Variants in CNTN5 observed in about 807,000 individuals in gnomAD.
CNTN5 encodes contactin 5.
CNTN5 carries 77 observed loss-of-function variants against 129.1 expected under a neutral mutation model. The ratio of observed to expected loss-of-function variants is 0.60; its 90% CI spans 0.50 to 0.72. The LOEUF (loss-of-function observed/expected upper bound fraction) is 0.72. Among genes scored for constraint, CNTN5 ranks in the 30% least tolerant of loss-of-function variants. The pLI, the probability that CNTN5 is intolerant of heterozygous loss-of-function variation, is 0.00. For missense variants in CNTN5, 1,478 were observed against 1,328.8 expected (o/e 1.11, Z -1.75); for synonymous variants, 509 against 465.6 (o/e 1.09, Z -1.20).
intron 6 of CNTN5, among the ~76,000 whole-genome samples, chr11:99,890,277 CAAAAG>C (rs1234366100): frequency 1.3e-5 from 2 of 151,850 alleles, no homozygotes; most frequent in African/African-American, 4.8e-5. Flanking sequence ...CAATGAGAAA[CAAAAG>C]AAAGTAATAT....
At chr11:99,868,656 C>T (rs754417484) in intron 6 of CNTN5, among the ~76,000 whole-genome samples, 13 of 151,932 alleles carry the variant, frequency 8.6e-5, no homozygotes, top group African/African-American at 1.2e-4. Context: ...CTGAAAGAGG[C>T]GAAAAGGGAG....
intron 9 of CNTN5, among the ~76,000 whole-genome samples, chr11:100,059,222 C>A (rs1943362159): frequency 6.6e-6 from 1 of 152,074 alleles, no homozygotes; most frequent in Non-Finnish European, 1.5e-5. Flanking sequence ...TATGTCACAT[C>A]AATAAACAAA....
intron 3 of CNTN5, among the ~76,000 whole-genome samples, chr11:99,628,008 T>G (rs1008252161): frequency 5.3e-5 from 8 of 151,014 alleles, no homozygotes; most frequent in African/African-American, 2.0e-4. Context: ...TTACTTTGAC[T>G]TAAACTGAAC....
chr11:100,020,729 C>T (rs559409793), intron 9 of CNTN5, among the ~76,000 whole-genome samples: 1 of 151,942 alleles, frequency 6.6e-6, no homozygotes, highest in Non-Finnish European at 1.5e-5. Context: ...TTCAGTAAAT[C>T]GCAGAATACA....
chr11:99,749,445 A>G (rs1944161644), intron 3 of CNTN5, among the ~76,000 whole-genome samples: 2 of 152,254 alleles, frequency 1.3e-5, no homozygotes, highest in African/African-American at 2.4e-5. Flanking sequence ...TGCTTGGCAC[A>G]TTATATAGTC....
chr11:99,269,437 T>C (rs755969856), intron 1 of CNTN5, among the ~76,000 whole-genome samples: 3 of 151,810 alleles, frequency 2.0e-5, no homozygotes, highest in Non-Finnish European at 4.4e-5. Context: ...GCTGACCTGT[T>C]TGTTTGTTGC....
chr11:99,702,253 C>T (rs1032995798), intron 3 of CNTN5, among the ~76,000 whole-genome samples: 3 of 150,704 alleles, frequency 2.0e-5, no homozygotes, highest in African/African-American at 7.3e-5. Context: ...TTTTAAGGTA[C>T]ATATTTCATA....
In CNTN5 at chr11:99,244,231, T is replaced by A. The variant is rs368778466; in HGVS notation, c.-209-81115T>A. The stretch of plus-strand genomic sequence containing the variant: ...TTCTTGTGGCTATTGTAAATTGGAT[T>A]GCTTTCTCAATTTGCCTCTAAGCTT... On this transcript the variant is annotated intron_variant, in intron 1 of 24. Transcript: ENST00000524871. 7.0e-4 allele frequency among the ~76,000 whole-genome samples: 107 copies of A among 152,310 alleles called. No individual in the cohort carries two copies. The South Asian group carries it at 0.021, about 30-fold the overall frequency.
chr11:99,428,425 G>A (rs1050707206), intron 2 of CNTN5, among the ~76,000 whole-genome samples: 8 of 151,666 alleles, frequency 5.3e-5, no homozygotes, highest in Admixed American at 1.3e-4. Flanking sequence ...GCTGGGCTTC[G>A]TGGCATGTCC....
intron 8 of CNTN5, among the ~76,000 whole-genome samples, chr11:99,974,096 A>T (rs1937766707): frequency 6.6e-6 from 1 of 152,264 alleles, no homozygotes; most frequent in African/African-American, 2.4e-5. Flanking sequence ...GGAAGGCTTG[A>T]TAATGATTAA....
chr11:99,103,599 G>T (rs1291502172), intron 1 of CNTN5, among the ~76,000 whole-genome samples: 1 of 152,132 alleles, frequency 6.6e-6, no homozygotes, highest in Non-Finnish European at 1.5e-5. Flanking sequence ...GTAGTGAGTT[G>T]AATTGTGCCC....
chr11:99,391,468 T>G (rs1565543963), intron 2 of CNTN5, among the ~76,000 whole-genome samples: 2 of 152,148 alleles, frequency 1.3e-5, no homozygotes, highest in Non-Finnish European at 2.9e-5. Flanking sequence ...GCTGCTGTCA[T>G]ATAGTAGCTA....
chr11:100,245,173 C>G (rs2138693036), intron 16 of CNTN5, among the ~76,000 whole-genome samples: 1 of 152,110 alleles, frequency 6.6e-6, no homozygotes, highest in Non-Finnish European at 1.5e-5. Context: ...TTTTGTCTCT[C>G]CACTCCATCA....
Position 100,178,337 on chromosome 11 carries a change from T to C in CNTN5, c.1581-12789T>C, listed in dbSNP as rs142728008. Among the ~76,000 whole-genome samples the C allele has an allele frequency of 2.5e-3, 384 of 152,280 alleles. 2 individuals are homozygous for C. Among genetic ancestry groups the C allele is most frequent in the African/African-American group, 8.9e-3 (372 of 41,574 alleles). ...CCTCCTTTGCTCATTTGTTCCCTTT[T>C]TTCTTAAAATCTTCGTCTACTTCCT... is the stretch of plus-strand genomic sequence containing the variant. On this transcript the variant is annotated intron_variant, in intron 13 of 24. Transcript: ENST00000524871.
At chr11:100,026,059 A>G (rs560366768) in intron 9 of CNTN5, among the ~76,000 whole-genome samples, 5 of 152,092 alleles carry the variant, frequency 3.3e-5, no homozygotes, top group Non-Finnish European at 5.9e-5. Context: ...TTGTGTCCCC[A>G]CCCAAATCTC....
intron 3 of CNTN5, among the ~76,000 whole-genome samples, chr11:99,680,074 T>C (rs1565419960): frequency 6.6e-6 from 1 of 152,270 alleles, no homozygotes; most frequent in East Asian, 1.9e-4. Context: ...AAAAGTTGAT[T>C]CATAAGGTTT....
At chr11:99,025,697 C>G (rs961271284) in intron 1 of CNTN5, among the ~76,000 whole-genome samples, 1 of 151,448 alleles carries the variant, frequency 6.6e-6, no homozygotes, top group Non-Finnish European at 1.5e-5. Flanking sequence ...GAGCTGCAAC[C>G]AGGTCTATTA....
At chr11:99,399,292 A>T (rs1189391190) in intron 2 of CNTN5, among the ~76,000 whole-genome samples, 1 of 151,866 alleles carries the variant, frequency 6.6e-6, no homozygotes, top group Non-Finnish European at 1.5e-5. Flanking sequence ...GCAGTTCTAA[A>T]CTTATTAGAT....
chr11:99,735,498 T>C (rs1943675232), intron 3 of CNTN5, among the ~76,000 whole-genome samples: 1 of 142,228 alleles, frequency 7.0e-6, no homozygotes, highest in South Asian at 2.2e-4. Context: ...ATTGAATTTA[T>C]TGACTCACTA....
Sources: gnomAD v4.1 joint callset for allele counts (sites outside exome capture counted in the v4.1 genomes callset) on GRCh38, gnomAD v4.1.1 for gene constraint, MANE v1.5 for transcripts, NCBI Gene and HGNC (gene_info 2026-07-23, HGNC 2026-07-21) for gene names.